ADA: variants seen among roughly 807,000 people sequenced by gnomAD.
The protein encoded by ADA is adenosine deaminase.
Under a neutral mutation model 49.0 loss-of-function variants are expected in ADA, and 45 were observed. The ratio of observed to expected loss-of-function variants is 0.92; its 90% confidence interval spans 0.72 to 1.18. The LOEUF (loss-of-function observed/expected upper bound fraction) is 1.18. Among genes scored for constraint, ADA ranks in the 50% most tolerant of loss-of-function variants. ADA has a pLI of 0.00. For synonymous variants in ADA, 173 were observed against 184.2 expected, an observed-to-expected ratio of 0.94 and a Z score of 0.49; for missense variants, 445 against 472.5, an observed-to-expected ratio of 0.94 and a Z score of 0.54.
chr20:44,650,086 C>G (rs2145364546), intron 1 of ADA, among the ~76,000 whole-genome samples: 1 of 152,304 alleles, frequency 6.6e-6, no homozygotes, highest in South Asian at 2.1e-4. Flanking sequence ...TACAGTGGGT[C>G]CCCAGCCCAA....
At chr20:44,643,728 C>T (rs531260080) in intron 1 of ADA, among the ~76,000 whole-genome samples, 5 of 152,344 alleles carry the variant, frequency 3.3e-5, no homozygotes, top group Non-Finnish European at 5.9e-5. Flanking sequence ...CCCCTTCCCA[C>T]TGCCTTTGCT....
At position 44,622,813 on chromosome 20, in the gene ADA, T is replaced by C. The variant is rs2065345053; in HGVS notation, c.780+16A>G. On this transcript the variant is annotated intron_variant, in intron 8 of 11. Transcript: ENST00000372874. The stretch of plus-strand genomic sequence containing the variant: ...ACAGCCGGGGATGGTTCCTCCCCAC[T>C]CCCTGGCCCGCTTACCTCGAAGTGC... 1 of 1,614,188 alleles carries C rather than the reference T, an allele frequency of 6.2e-7. No individual in the cohort carries two copies. Among genetic ancestry groups the C allele is most frequent in the African/African-American group, 1.3e-5 (1 of 75,038 alleles).
chr20:44,647,509 T>C (rs1049368852), intron 1 of ADA, among the ~76,000 whole-genome samples: 1 of 151,990 alleles, frequency 6.6e-6, no homozygotes, highest in Non-Finnish European at 1.5e-5. Context: ...GCTTCAAGGC[T>C]CTCAGATTTT....
chr20:44,644,272 CATG>C (rs562467270), intron 1 of ADA, among the ~76,000 whole-genome samples: 21 of 152,100 alleles, frequency 1.4e-4, no homozygotes, highest in Middle Eastern at 3.2e-3. Context: ...CTGTCTCCCT[CATG>C]AGCCGTTTGC....
rs193104693 is a variant in ADA, at chr20:44,627,768, C to T, written c.219-1169G>A. ...AGAAAAGGACACAGCTGGACAAGTC[C>T]AGAGGGATGCCTGGATGTGGGAGAC... On this transcript the variant is annotated intron_variant, in intron 3 of 11. Transcript: ENST00000372874. 6.1e-3 allele frequency among the ~76,000 whole-genome samples: 925 copies of T among 152,270 alleles called. 7 individuals are homozygous for T. Among genetic ancestry groups the T allele is most frequent in the Non-Finnish European group, 9.2e-3 (623 of 68,026 alleles).
intron 11 of ADA, 36 bp downstream of exon 11, chr20:44,620,263 C>T (rs1568841747): frequency 6.4e-7 from 1 of 1,574,652 alleles, no homozygotes; most frequent in Non-Finnish European, 8.7e-7. Flanking sequence ...GGGGCCAGGA[C>T]AGGGCAACTG....
intron 4 of ADA, among the ~76,000 whole-genome samples, chr20:44,626,036 A>G (rs2145319000): frequency 6.6e-6 from 1 of 152,282 alleles, no homozygotes; most frequent in Non-Finnish European, 1.5e-5. Flanking sequence ...TTGTGATACC[A>G]CTTAGAGATC....
intron 1 of ADA, among the ~76,000 whole-genome samples, chr20:44,637,897 C>T (rs373127088): frequency 6.6e-5 from 10 of 152,180 alleles, no homozygotes; most frequent in East Asian, 1.9e-4. Flanking sequence ...GTCTGTTTCT[C>T]GGGTTCTCAA....
rs769506264 is a variant in ADA, at chr20:44,624,283, C to T, written c.525G>A (p.Gln175=). ...CAGCCAGGTCAATGGCTACCACGGTCTGCTGCTGGTACTTCTTACACAGCT... is the reference window on the plus strand; with the variant it reads ...CAGCCAGGTCAATGGCTACCACGGTTTGCTGCTGGTACTTCTTACACAGCT... ...VVELCKKYQQ[Q]TVVAIDLAGD... Residue 175 remains glutamine, a synonymous_variant, in exon 6 of 12, where the codon CAG becomes CAA. Transcript: ENST00000372874. The T allele has an allele frequency of 4.0e-5, 64 of 1,613,920 alleles. No homozygotes were observed. The highest frequency in any genetic ancestry group is 5.2e-5 in the Non-Finnish European group (61 of 1,179,986).
Position 44,621,147 on chromosome 20 carries a change from C to T in ADA, c.846G>A (p.Arg282=). 3.1e-6 allele frequency: 5 copies of T among 1,614,126 alleles called. No homozygotes were observed. The highest frequency in any genetic ancestry group is 4.2e-6 in the Non-Finnish European group (5 of 1,180,028). Residue 282 remains arginine, a splice_region_variant and synonymous_variant, in exon 10 of 12, where the codon CGG becomes CGA. Transcript: ENST00000372874. The part of the protein sequence containing the change: ...WKPDTEHAVI[R]LKNDQANYSL... ...AGTAGTTAGCCTGGTCATTTTTGAGCCTGCAGAAGAGGGAGGAGGAGAGAA... is the reference window on the plus strand; with the variant it reads ...AGTAGTTAGCCTGGTCATTTTTGAGTCTGCAGAAGAGGGAGGAGGAGAGAA...
chr20:44,620,566 T>A (rs998187902), intron 10 of ADA, 165 bp from the exon 11 acceptor site: 1 of 696,056 alleles, frequency 1.4e-6, no homozygotes, highest in Non-Finnish European at 2.6e-6. Context: ...GTAGAGACCA[T>A]GAGGTCGTGT....
intron 5 of ADA, among the ~76,000 whole-genome samples, chr20:44,624,864 C>T (rs553613788): frequency 1.3e-4 from 20 of 152,364 alleles, no homozygotes; most frequent in Admixed American, 3.3e-4. Context: ...GGATACAAAT[C>T]CAGGGTTTGT....
Position 44,625,646 on chromosome 20 carries a change from C to T in ADA, c.401G>A (p.Gly134Asp), listed in dbSNP as rs1327639803. 1.3e-6 allele frequency: 2 copies of T among 1,575,698 alleles called. No individual in the cohort carries two copies. The highest frequency in any genetic ancestry group is 2.3e-5 in the East Asian group (1 of 43,152). Residue 134 changes from glycine (G) to aspartate (D), a missense_variant, in exon 5 of 12, where the codon GGC becomes GAC. Coordinates refer to ENST00000372874, the MANE Select transcript of ADA (RefSeq NM_000022.4). ...TCGCTCCCCCTCCTGCAGGCCCTGG[C>T]CCACTAGGGCCACCACCTCGTCTGG... ...LTPDEVVALV[G>D]QGLQEGERDF... is the part of the protein sequence containing the mutation.
At chr20:44,626,836 C>G (rs1438278884) in intron 3 of ADA, among the ~76,000 whole-genome samples, 1 of 152,170 alleles carries the variant, frequency 6.6e-6, no homozygotes, top group Non-Finnish European at 1.5e-5. Flanking sequence ...CTCTAACTGG[C>G]CTCCCTGTCT....
chr20:44,628,648 G>C (rs905119241), intron 3 of ADA, among the ~76,000 whole-genome samples: 1 of 152,044 alleles, frequency 6.6e-6, no homozygotes, highest in African/African-American at 2.4e-5. Context: ...GGCGACTCAA[G>C]ACAAGAAAAA....
intron 1 of ADA, among the ~76,000 whole-genome samples, chr20:44,651,259 A>G (rs1196738498): frequency 1.3e-5 from 2 of 152,070 alleles, no homozygotes; most frequent in East Asian, 3.9e-4. Context: ...AGCTTCAGAG[A>G]CCTCAAGTCC....
In ADA at chr20:44,626,578, T is replaced by A; in HGVS notation, c.240A>T (p.Lys80Asn). 13 of 1,614,152 alleles carry A rather than the reference T, an allele frequency of 8.1e-6. No homozygotes were observed. Among genetic ancestry groups the A allele is most frequent in the Non-Finnish European group, 1.1e-5 (13 of 1,180,022 alleles). ...PAIAGCREAI[K>N]RIAYEFVEMK... ...TCTCTACAAACTCATAGGCGATCCT[T>A]TTGATAGCCTCCCGGCAGCCCCTGG... The change falls in exon 4 of 12, where the codon AAA becomes AAT. Residue 80 changes from lysine (K) to asparagine (N), a missense_variant. Lys to Asn is a moderately conservative substitution (Grantham distance 94, BLOSUM62 0). Coordinates refer to ENST00000372874, the MANE Select transcript of ADA (RefSeq NM_000022.4).
Position 44,620,342 on chromosome 20 carries a change from G to A in ADA, c.1035C>T (p.Asp345=). Residue 345 remains aspartate (D), a synonymous_variant, in exon 11 of 12, where the codon GAC becomes GAT. Transcript: ENST00000372874. The part of the protein sequence containing the change: ...LPEDEKRELL[D]LLYKAYGMPP... Reference sequence around the variant, plus strand: ...GCATCCCATAGGCTTTATAGAGCAGGTCGAGAAGCTCCCTCTTTTCATCTT... The same window carrying A: ...GCATCCCATAGGCTTTATAGAGCAGATCGAGAAGCTCCCTCTTTTCATCTT... 2.5e-6 allele frequency: 4 copies of A among 1,614,210 alleles called. No individual in the cohort carries two copies. Among genetic ancestry groups the A allele is most frequent in the Non-Finnish European group, 3.4e-6 (4 of 1,180,046 alleles).
chr20:44,625,496 C>T (rs2065372915), intron 5 of ADA, 73 bp downstream of exon 5: 2 of 1,351,824 alleles, frequency 1.5e-6, no homozygotes, highest in East Asian at 2.5e-5. Flanking sequence ...TCAGGTACAG[C>T]CCCACTGCTA....
Sources: allele counts gnomAD v4.1 joint callset (sites outside exome capture counted in the v4.1 genomes callset), GRCh38; gene constraint gnomAD v4.1.1; transcripts MANE v1.5; gene names NCBI Gene and HGNC (gene_info 2026-07-23, HGNC 2026-07-21).